The following POLR3D variants were observed in gnomAD, a reference collection of about 807,000 sequenced individuals.
POLR3D encodes the protein RNA polymerase III subunit D, also known as DNA-directed RNA polymerase III subunit RPC4.
Under a neutral mutation model 44.5 loss-of-function variants are expected in POLR3D, and 42 were observed. The ratio of observed to expected loss-of-function variants is 0.94; its 90% CI spans 0.74 to 1.22. The LOEUF (loss-of-function observed/expected upper bound fraction) is 1.22, where lower values mean the gene tolerates loss of function less well. POLR3D is among the 50% of genes most tolerant of loss of function. The probability of loss-of-function intolerance (pLI) is 0.00; values close to 1 mark genes in which losing one functional copy is unlikely to be tolerated. For synonymous variants in POLR3D, 217 were observed against 198.1 expected, an observed-to-expected ratio of 1.10 and a Z score of -0.80; for missense variants, 507 against 505.2, an observed-to-expected ratio of 1.00 and a Z score of -0.03.
In POLR3D at chr8:22,248,243, A is replaced by G; in HGVS notation, c.451A>G (p.Thr151Ala). 1.2e-6 allele frequency: 2 copies of G among 1,614,246 alleles called. No individual in the cohort carries two copies. The highest frequency in any genetic ancestry group is 1.7e-6 in the Non-Finnish European group (2 of 1,180,052). Residue 151 changes from threonine to alanine, a missense_variant, in exon 5 of 9, where the codon ACT becomes GCT. Thr to Ala is a moderately conservative substitution (Grantham distance 58). Transcript: ENST00000306433. ...AGAGAAGAGAGAGACAGACGAAGAA[A>G]CTAAACAGATCTTGCGTATGCTGGA... ...KKEKRETDEE[T>A]KQILRMLEKD...
chr8:22,245,347 G>T, intron 1 of POLR3D, 98 bp from the exon 2 acceptor site: 4 of 868,640 alleles, frequency 4.6e-6, no homozygotes. Context: ...CCACTGGAGG[G>T]ACGCACCGAC....
At chr8:22,245,264 G>A in intron 1 of POLR3D, 81 bp downstream of exon 1, 1 of 542,330 alleles carries the variant, frequency 1.8e-6, no homozygotes, top group Non-Finnish European at 3.3e-6. Context: ...TGGAGAGGGC[G>A]TGTCGCGAGC....
In POLR3D at chr8:22,248,470, C is replaced by CT; in HGVS notation, c.487-10dup. On this transcript the variant is annotated splice_polypyrimidine_tract_variant and intron_variant, in intron 5 of 8. Transcript: ENST00000306433. ...GCTAGCAGGCTGGATGACCCAGACT[C>CT]TCTTTGGCAGTTCCTCGATGACCCC... 6.2e-7 allele frequency: 1 copy of CT among 1,613,408 alleles called. No homozygotes were observed.
At position 22,250,543 on chromosome 8, in the gene POLR3D, G is replaced by A. The variant is rs777515008; in HGVS notation, c.*25G>A. ...AAATGAGCAGGTGGAGGAGGACGGC[G>A]CCTGTGCCCACGGCTGCTGCCTGCT... On this transcript the variant is annotated 3_prime_UTR_variant, in exon 9 of 9. Transcript: ENST00000306433. 2.2e-5 allele frequency: 35 copies of A among 1,613,804 alleles called. No individual in the cohort carries two copies. The Admixed American group carries it at 2.8e-4, about 13-fold the overall frequency.
chr8:22,246,984 G>T (rs537207811), intron 2 of POLR3D, among the ~76,000 whole-genome samples: 1 of 152,336 alleles, frequency 6.6e-6, no homozygotes, highest in African/African-American at 2.4e-5. Flanking sequence ...ACCTAAGGCT[G>T]CTGGTTAAAA....
In POLR3D at chr8:22,247,997, TGAA is replaced by T; in HGVS notation, c.354_356del (p.Lys120del). ...TTTGAGCAGGGCCCAGCTGAAATGA[TGAA>T]GAAAAAAGGTATAAGGAAGGAATCA... On this transcript the variant is annotated inframe_deletion, in exon 4 of 9. Transcript: ENST00000306433. The T allele has an allele frequency of 6.2e-7, 1 of 1,612,622 alleles. No individual in the cohort carries two copies. Among genetic ancestry groups the T allele is most frequent in the Non-Finnish European group, 8.5e-7 (1 of 1,179,466 alleles).
At chr8:22,247,103 G>A (rs560080549) in intron 2 of POLR3D, 118 bp from the exon 3 acceptor site, 9 of 703,808 alleles carry the variant, frequency 1.3e-5, no homozygotes, top group Non-Finnish European at 2.3e-5. Context: ...TGTGGAATGT[G>A]CCAACGAGAG....
intron 2 of POLR3D, among the ~76,000 whole-genome samples, chr8:22,246,981 GC>G (rs1167933602): frequency 6.6e-6 from 1 of 152,146 alleles, no homozygotes; most frequent in Non-Finnish European, 1.5e-5. Context: ...AGAACCTAAG[GC>G]TGCTGGTTAA....
intron 7 of POLR3D, among the ~76,000 whole-genome samples, chr8:22,249,655 C>T (rs1427535561): frequency 2.0e-5 from 3 of 152,060 alleles, no homozygotes; most frequent in South Asian, 2.1e-4. Context: ...CGTGGTGACA[C>T]CATGGCTAAT....
chr8:22,248,013 A>G lies in POLR3D; in HGVS notation c.361+5A>G. The G allele has an allele frequency of 6.2e-6, 10 of 1,612,896 alleles. No homozygotes were observed. Among genetic ancestry groups the G allele is most frequent in the Non-Finnish European group, 8.5e-6 (10 of 1,179,146 alleles). ...CTGAAATGATGAAGAAAAAAGGTAT[A>G]AGGAAGGAATCAGTGAATTTCAGTT... is the stretch of plus-strand genomic sequence containing the variant. On this transcript the variant is annotated splice_donor_5th_base_variant and intron_variant, in intron 4 of 8. Coordinates refer to ENST00000306433, the MANE Select transcript of POLR3D (RefSeq NM_001722.3).
At chr8:22,247,742 G>A in intron 3 of POLR3D, 115 bp from the exon 4 acceptor site, 2 of 946,440 alleles carry the variant, frequency 2.1e-6, no homozygotes, top group Non-Finnish European at 3.2e-6. Context: ...TTCTCATGGT[G>A]TAAATATTGG....
rs1312185397 is a variant in POLR3D, at chr8:22,253,630, ATTATT to A, written c.*3121_*3125del. ...AATCAATTTTAACATTTTAGTGTAT[ATTATT>A]TTATTTTAGATTCAGCAGGTACATG... On this transcript the variant is annotated 3_prime_UTR_variant, in exon 9 of 9. Transcript: ENST00000306433. 3 of 152,190 alleles carry A rather than the reference ATTATT, an allele frequency of 2.0e-5. No individual in the cohort carries two copies. Among genetic ancestry groups the A allele is most frequent in the Admixed American group, 6.5e-5 (1 of 15,272 alleles). The allele number at this position is 152,190 out of a possible 1,614,324, so 9.4% of individuals were successfully genotyped here.
chr8:22,247,790 G>A lies in POLR3D; in HGVS notation c.210-67G>A, dbSNP rs74706160. ...ACTGTTTTGGAGTGAAGTGGTATGG[G>A]AGAGTAAGGCCAGATTTTGGAGACA... On this transcript the variant is annotated intron_variant, in intron 3 of 8. Transcript: ENST00000306433. 2.2e-3 allele frequency: 3,322 copies of A among 1,501,210 alleles called. 70 individuals carry two copies. In the African/African-American group the frequency reaches 0.036, roughly 16 times the overall value. 93.0% of individuals were successfully genotyped at this position (1,501,210 alleles called of 1,614,324 possible). A position where few individuals can be genotyped will look rare whatever the true frequency, so the allele number is the denominator to read the frequency against.
Position 22,248,547 on chromosome 8 carries a change from T to A in POLR3D, c.553T>A (p.Ser185Thr). Residue 185 changes from serine to threonine, a missense_variant, in exon 6 of 9, where the codon TCA becomes ACA. Ser to Thr is a moderately conservative substitution (Grantham distance 58). Transcript: ENST00000306433. Reference protein sequence around the residue: ...NMPVQLPLAHSGWLFKEENDE... With the variant: ...NMPVQLPLAHTGWLFKEENDE... ...GCCTGTGCAGCTGCCGCTGGCTCAC[T>A]CAGGATGGCTTTTTAAGGAAGAAAA... 6.2e-7 allele frequency: 1 copy of A among 1,614,120 alleles called. No individual in the cohort carries two copies. Among genetic ancestry groups the A allele is most frequent in the Non-Finnish European group, 8.5e-7 (1 of 1,180,018 alleles).
At position 22,248,495 on chromosome 8, in the gene POLR3D, C is replaced by G; in HGVS notation, c.501C>G (p.Pro167=). ...MLEKDDFLDD[P]GLRNDTRNMP... ...CTCTTTGGCAGTTCCTCGATGACCC[C>G]GGCCTGAGGAACGACACTCGAAATA... The change falls in exon 6 of 9, where the codon CCC becomes CCG. Residue 167 remains proline (P), a synonymous_variant. Transcript: ENST00000306433. 1 of 1,614,056 alleles carries G rather than the reference C, an allele frequency of 6.2e-7. No homozygotes were observed. Among genetic ancestry groups the G allele is most frequent in the Non-Finnish European group, 8.5e-7 (1 of 1,179,980 alleles).
At chr8:22,245,973 T>G (rs1483380595) in intron 2 of POLR3D, among the ~76,000 whole-genome samples, 3 of 152,236 alleles carry the variant, frequency 2.0e-5, no homozygotes, top group African/African-American at 7.2e-5. Flanking sequence ...ATTCACCATC[T>G]CTGTGTGCAA....
chr8:22,245,707 A>G, intron 2 of POLR3D, 93 bp downstream of exon 2: 1 of 937,816 alleles, frequency 1.1e-6, no homozygotes, highest in Non-Finnish European at 1.4e-6. Flanking sequence ...ACTGTGTGTC[A>G]GGACTGTCGT....
chr8:22,246,843 C>G (rs1184247000), intron 2 of POLR3D, among the ~76,000 whole-genome samples: 1 of 152,240 alleles, frequency 6.6e-6, no homozygotes, highest in African/African-American at 2.4e-5. Context: ...GCCTTCCCTA[C>G]TTAGGCCTTG....
chr8:22,248,240 G>A lies in POLR3D; in HGVS notation c.448G>A (p.Glu150Lys), dbSNP rs1830063322. 1.2e-6 allele frequency: 2 copies of A among 1,614,170 alleles called. No individual in the cohort carries two copies. The highest frequency in any genetic ancestry group is 4.5e-5 in the East Asian group (2 of 44,888). Residue 150 changes from glutamate (E) to lysine (K), a missense_variant, in exon 5 of 9, where the codon GAA becomes AAA. Transcript: ENST00000306433. ...AAAAGAGAAGAGAGAGACAGACGAA[G>A]AAACTAAACAGATCTTGCGTATGCT... The part of the protein sequence containing the change: ...IKKEKRETDE[E>K]TKQILRMLEK...
Sources: allele counts gnomAD v4.1 joint callset (sites outside exome capture counted in the v4.1 genomes callset), GRCh38; gene constraint gnomAD v4.1.1; transcripts MANE v1.5; gene names NCBI Gene and HGNC (gene_info 2026-07-23, HGNC 2026-07-21).